ERC1: variants seen among roughly 807,000 people sequenced by gnomAD.
ERC1 encodes ELKS/RAB6-interacting/CAST family member 1, also known as RAB6 interacting protein 2.
A neutral mutation model predicts 132.0 loss-of-function variants in ERC1; 56 were observed. That is an observed-to-expected ratio of 0.42 (90% CI 0.34 to 0.53). ERC1 has a LOEUF of 0.53. Among genes scored for constraint, ERC1 ranks in the 20% least tolerant of loss-of-function variants. The pLI is 0.03. For missense variants in ERC1, 1,202 were observed against 1,349.9 expected, an observed-to-expected ratio of 0.89 and a Z score of 1.72; for synonymous variants, 478 against 476.1, an observed-to-expected ratio of 1.00 and a Z score of -0.05.
chr12:1,056,949 T>C (rs745968694), intron 2 of ERC1, among the ~76,000 whole-genome samples: 1 of 152,192 alleles, frequency 6.6e-6, no homozygotes, highest in Non-Finnish European at 1.5e-5. Flanking sequence ...TTCTACCTCC[T>C]GTATCAATGA....
intron 17 of ERC1, among the ~76,000 whole-genome samples, chr12:1,428,946 G>C (rs1050892093): frequency 3.9e-5 from 6 of 152,286 alleles, no homozygotes; most frequent in African/African-American, 9.6e-5. Flanking sequence ...CTTGATTGAG[G>C]GGTAGCTGCA....
chr12:1,328,955 CAAAT>C (rs1366131310), intron 15 of ERC1, among the ~76,000 whole-genome samples: 1 of 92,028 alleles, frequency 1.1e-5, no homozygotes, highest in Non-Finnish European at 2.3e-5. Context: ...GGTGATTTGA[CAAAT>C]AAATAAATGT....
At chr12:1,244,673 C>T (rs2076051982) in intron 13 of ERC1, 1 of 392,178 alleles carries the variant, frequency 2.5e-6, no homozygotes, top group Admixed American at 2.9e-5. Flanking sequence ...AGGCGTGTGC[C>T]ACCATGCCTG....
intron 7 of ERC1, among the ~76,000 whole-genome samples, chr12:1,131,522 C>A (rs1210119663): frequency 1.3e-5 from 2 of 152,092 alleles, no homozygotes; most frequent in Admixed American, 1.3e-4. Flanking sequence ...AGTGCAGTGG[C>A]ACAATCTTGG....
chr12:1,311,846 T>C (rs73032734), intron 15 of ERC1, among the ~76,000 whole-genome samples: 5,264 of 152,316 alleles, frequency 0.035, 96 homozygotes, highest in Middle Eastern at 0.075. Context: ...AAACTAAGTC[T>C]TTTCACCAGC....
rs1018255366 is a variant in ERC1, at chr12:1,351,293, G to T, written c.2781-20540G>T. ...TTTATTTCTATAAAGTGTTGCCCATGTTTTTCAAATAATTTCTATGTTTTG... is the reference window on the plus strand; with the variant it reads ...TTTATTTCTATAAAGTGTTGCCCATTTTTTTCAAATAATTTCTATGTTTTG... On this transcript the variant is annotated intron_variant, in intron 15 of 18. Coordinates refer to ENST00000360905, the MANE Select transcript of ERC1 (RefSeq NM_178040.4). Among the ~76,000 whole-genome samples the T allele has an allele frequency of 2.0e-5, 3 of 152,318 alleles. No homozygotes were observed. In the East Asian group the frequency reaches 5.8e-4, roughly 29 times the overall value.
chr12:1,395,553 T>C (rs73026445), intron 16 of ERC1, among the ~76,000 whole-genome samples: 4,666 of 152,230 alleles, frequency 0.031, 80 homozygotes, highest in Middle Eastern at 0.075. Flanking sequence ...TAAATATACA[T>C]GGTAATTGGA....
At chr12:1,000,465 G>A (rs1257902962) in intron 1 of ERC1, among the ~76,000 whole-genome samples, 1 of 150,198 alleles carries the variant, frequency 6.7e-6, no homozygotes, top group Non-Finnish European at 1.5e-5. Flanking sequence ...CAGTCTGGAT[G>A]ACAGAGCGAG....
intron 5 of ERC1, 110 bp downstream of exon 5, chr12:1,110,457 T>G: frequency 2.3e-6 from 2 of 874,374 alleles, no homozygotes. Flanking sequence ...TTATCAGGTT[T>G]CAGGGAAGAA....
intron 3 of ERC1, among the ~76,000 whole-genome samples, chr12:1,097,780 T>A (rs1328537810): frequency 9.2e-5 from 14 of 151,610 alleles, no homozygotes; most frequent in African/African-American, 2.9e-4. Flanking sequence ...AATGTCGCGA[T>A]CTCGGCTGAC....
intron 7 of ERC1, among the ~76,000 whole-genome samples, chr12:1,130,287 C>G (rs537839761): frequency 2.0e-5 from 3 of 152,188 alleles, no homozygotes; most frequent in African/African-American, 4.8e-5. Flanking sequence ...TCACTTGAGC[C>G]CAGGAGGGTT....
At chr12:1,253,045 G>T (rs2076563705) in intron 13 of ERC1, among the ~76,000 whole-genome samples, 1 of 152,186 alleles carries the variant, frequency 6.6e-6, no homozygotes, top group African/African-American at 2.4e-5. Flanking sequence ...AGTCTGTCTG[G>T]TAAGTGGTGT....
At chr12:1,464,511 C>CTT (rs34542821) in intron 18 of ERC1, among the ~76,000 whole-genome samples, 41 of 67,446 alleles carry the variant, frequency 6.1e-4, no homozygotes, top group Middle Eastern at 0.011. Context: ...ATGCAAAAGC[C>CTT]TTTTTTTTTT....
At chr12:1,455,321 A>G (rs2093508260) in intron 18 of ERC1, among the ~76,000 whole-genome samples, 1 of 150,746 alleles carries the variant, frequency 6.6e-6, no homozygotes, top group African/African-American at 2.5e-5. Context: ...TCTTACTTCT[A>G]TCTAACTATA....
intron 12 of ERC1, among the ~76,000 whole-genome samples, chr12:1,213,097 A>C (rs1958029196): frequency 6.6e-6 from 1 of 152,040 alleles, no homozygotes; most frequent in Non-Finnish European, 1.5e-5. Context: ...AGTCTTCTTC[A>C]CCTTTACCTG....
intron 15 of ERC1, among the ~76,000 whole-genome samples, chr12:1,304,062 T>G (rs1321436232): frequency 6.6e-6 from 1 of 152,156 alleles, no homozygotes; most frequent in African/African-American, 2.4e-5. Context: ...GTGTTTCTTT[T>G]TAACCTATTT....
intron 15 of ERC1, among the ~76,000 whole-genome samples, chr12:1,355,934 G>C (rs7954498): frequency 6.6e-6 from 1 of 152,002 alleles, no homozygotes; most frequent in South Asian, 2.1e-4. Context: ...GGCTGGGTGC[G>C]GTGGCTTACA....
chr12:1,084,082 A>C (rs1240115750), intron 3 of ERC1, among the ~76,000 whole-genome samples: 1 of 152,222 alleles, frequency 6.6e-6, no homozygotes, highest in African/African-American at 2.4e-5. Flanking sequence ...TACGTGATAA[A>C]AATCATTGGC....
In ERC1 at chr12:1,444,624, C is replaced by A. The variant is rs1306444367; in HGVS notation, c.3087C>A (p.His1029Gln). The change falls in exon 18 of 19, where the codon CAC (histidine) becomes CAA (glutamine). Residue 1029 changes from histidine to glutamine, a missense_variant. His to Gln is a conservative substitution (Grantham distance 24). Transcript: ENST00000360905. The part of the protein sequence containing the change: ...NRSKLKLYIG[H>Q]LTTLCHDRDP... ...GTAAATTAAAGTTGTACATTGGACA[C>A]CTGACAACCCTCTGCCATGACCGAG... 1.2e-6 allele frequency: 2 copies of A among 1,613,944 alleles called. No individual in the cohort carries two copies. Among genetic ancestry groups the A allele is most frequent in the East Asian group, 2.2e-5 (1 of 44,906 alleles).
Sources: gnomAD v4.1 joint callset for allele counts (sites outside exome capture counted in the v4.1 genomes callset) on GRCh38, gnomAD v4.1.1 for gene constraint, MANE v1.5 for transcripts, NCBI Gene and HGNC (gene_info 2026-07-23, HGNC 2026-07-21) for gene names.